NOS1AP: variants seen among roughly 807,000 people sequenced by gnomAD.
NOS1AP encodes the protein carboxyl-terminal PDZ ligand of neuronal nitric oxide synthase protein.
A neutral mutation model predicts 56.2 loss-of-function variants in NOS1AP; 21 were observed. The observed-to-expected ratio is 0.37, with a 90% CI of 0.26 to 0.54. The LOEUF is 0.54. Among genes scored for constraint, NOS1AP ranks in the 20% least tolerant of loss-of-function variants. NOS1AP has a pLI of 0.84. For synonymous variants in NOS1AP, 270 were observed against 274.6 expected (o/e 0.98, Z 0.17); for missense variants, 522 against 657.8 (o/e 0.79, Z 2.26).
At chr1:162,327,480 T>G (rs1457889984) in intron 4 of NOS1AP, among the ~76,000 whole-genome samples, 10 of 152,190 alleles carry the variant, frequency 6.6e-5, no homozygotes, top group African/African-American at 2.4e-4. Flanking sequence ...TACCAACTAG[T>G]GAATTTGTCA....
At chr1:162,268,221 G>C (rs1330782663) in intron 2 of NOS1AP, among the ~76,000 whole-genome samples, 4 of 150,758 alleles carry the variant, frequency 2.7e-5, no homozygotes, top group Non-Finnish European at 5.9e-5. Flanking sequence ...ATCGTGTCAT[G>C]CTAGCCTGAG....
intron 1 of NOS1AP, among the ~76,000 whole-genome samples, chr1:162,129,422 C>T (rs1016128201): frequency 2.0e-5 from 3 of 152,178 alleles, no homozygotes; most frequent in Non-Finnish European, 4.4e-5. Context: ...CAGTCCTGTC[C>T]CTGCCCTGCG....
chr1:162,328,846 G>A (rs746369426), intron 4 of NOS1AP, among the ~76,000 whole-genome samples: 14 of 152,236 alleles, frequency 9.2e-5, no homozygotes, highest in East Asian at 1.9e-4. Flanking sequence ...TTGCCTATCA[G>A]TGATGAATCC....
chr1:162,348,614 A>T (rs1489633995), intron 6 of NOS1AP, among the ~76,000 whole-genome samples: 2 of 152,200 alleles, frequency 1.3e-5, no homozygotes, highest in Non-Finnish European at 1.5e-5. Flanking sequence ...GGTCCATTCT[A>T]AAAAAGCCCA....
chr1:162,294,242 A>G (rs1655378828), intron 3 of NOS1AP, among the ~76,000 whole-genome samples: 1 of 150,926 alleles, frequency 6.6e-6, no homozygotes, highest in South Asian at 2.1e-4. Flanking sequence ...AAAGGAAGGA[A>G]GGATAGCAAA....
chr1:162,278,998 G>A (rs1654832679), intron 2 of NOS1AP, among the ~76,000 whole-genome samples: 1 of 152,154 alleles, frequency 6.6e-6, no homozygotes, highest in Non-Finnish European at 1.5e-5. Context: ...TATTAGTGGA[G>A]AATGATAGAA....
chr1:162,094,760 A>G (rs1692200609), intron 1 of NOS1AP, among the ~76,000 whole-genome samples: 1 of 152,274 alleles, frequency 6.6e-6, no homozygotes, highest in Admixed American at 6.5e-5. Context: ...AGAGGATGCA[A>G]GTGTTGACTT....
At chr1:162,265,579 A>C (rs1301684972) in intron 2 of NOS1AP, among the ~76,000 whole-genome samples, 5 of 151,938 alleles carry the variant, frequency 3.3e-5, no homozygotes, top group African/African-American at 7.2e-5. Context: ...TTATGGCTGC[A>C]TAGTATTCTT....
chr1:162,234,748 G>A (rs570456948), intron 2 of NOS1AP, among the ~76,000 whole-genome samples: 2 of 152,246 alleles, frequency 1.3e-5, no homozygotes, highest in African/African-American at 4.8e-5. Flanking sequence ...CCACAGATGG[G>A]TTTTCACAGT....
intron 2 of NOS1AP, among the ~76,000 whole-genome samples, chr1:162,276,554 G>A (rs550211962): frequency 2.6e-5 from 4 of 151,318 alleles, no homozygotes; most frequent in Admixed American, 2.6e-4. Context: ...CAATGTCCAG[G>A]CTGCACTCTA....
chr1:162,366,360 A>T (rs781629355), intron 9 of NOS1AP, among the ~76,000 whole-genome samples: 6 of 152,182 alleles, frequency 3.9e-5, no homozygotes, highest in Non-Finnish European at 7.4e-5. Context: ...ATGGGATGCC[A>T]TTTTACAGAT....
chr1:162,362,589 A>G (rs1657942037), intron 8 of NOS1AP, among the ~76,000 whole-genome samples: 1 of 152,236 alleles, frequency 6.6e-6, no homozygotes, highest in Admixed American at 6.5e-5. Flanking sequence ...ATCTGCTGAA[A>G]GACTTTGTTC....
intron 4 of NOS1AP, among the ~76,000 whole-genome samples, chr1:162,307,006 G>C (rs918150750): frequency 2.6e-5 from 4 of 151,914 alleles, no homozygotes; most frequent in Admixed American, 6.6e-5. Flanking sequence ...CGATAAGGCT[G>C]TTGAATAGAA....
chr1:162,330,420 G>A (rs1011648394), intron 4 of NOS1AP, among the ~76,000 whole-genome samples: 2 of 152,166 alleles, frequency 1.3e-5, no homozygotes, highest in Non-Finnish European at 2.9e-5. Context: ...TGAGCCCCAG[G>A]GTATTCAGCA....
At chr1:162,266,447 C>T (rs1279185922) in intron 2 of NOS1AP, among the ~76,000 whole-genome samples, 1 of 152,208 alleles carries the variant, frequency 6.6e-6, no homozygotes, top group Non-Finnish European at 1.5e-5. Context: ...ATGGATGTGG[C>T]AGTCCATAAC....
rs1238880233 is a variant in NOS1AP at position 162,188,193 on chromosome 1, A to G, written c.177+33717A>G. ...ACTTTAACAAAACAGCCTCTGGTCAAATGGCATGCTGGAGTTTTTAGATGA... is the reference window on the plus strand; with the variant it reads ...ACTTTAACAAAACAGCCTCTGGTCAGATGGCATGCTGGAGTTTTTAGATGA... On this transcript the variant is annotated intron_variant, in intron 2 of 9. Transcript: ENST00000361897. The surrounding 1 kb of genome is among the most constrained non-coding windows in gnomAD (Gnocchi z 4.0). 6.6e-6 allele frequency among the ~76,000 whole-genome samples: 1 copy of G among 152,202 alleles called. No individual in the cohort carries two copies. The highest frequency in any genetic ancestry group is 1.9e-4 in the East Asian group (1 of 5,192).
Position 162,354,097 on chromosome 1 carries a change from T to C in NOS1AP, c.596-1090T>C, listed in dbSNP as rs572017690. ...GTTTCCCTTGATGACTTGTGTAGGT[T>C]TGCATAGGAAAACTTCTTAGAACAA... On this transcript the variant is annotated intron_variant, in intron 6 of 9. Coordinates refer to ENST00000361897, the MANE Select transcript of NOS1AP (RefSeq NM_014697.3). Among the ~76,000 whole-genome samples, 9 of 152,316 alleles carry C rather than the reference T, an allele frequency of 5.9e-5. No homozygotes were observed. The South Asian group carries it at 1.4e-3, about 25-fold the overall frequency.
At chr1:162,360,583 G>C (rs917700903) in intron 8 of NOS1AP, 1 of 351,294 alleles carries the variant, frequency 2.8e-6, no homozygotes, top group African/African-American at 2.1e-5. Flanking sequence ...TCTACCTGCT[G>C]CCACTTCTGT....
At chr1:162,181,201 T>G (rs966486835) in intron 2 of NOS1AP, among the ~76,000 whole-genome samples, 5 of 152,184 alleles carry the variant, frequency 3.3e-5, no homozygotes, top group Non-Finnish European at 5.9e-5. Context: ...AGAAAAACAA[T>G]CAGTATGCTG....
Sources: gnomAD v4.1 joint callset for allele counts (sites outside exome capture counted in the v4.1 genomes callset) on GRCh38, gnomAD v4.1.1 for gene constraint, Gnocchi (gnomAD v3.1) non-coding constraint, MANE v1.5 for transcripts, NCBI Gene and HGNC (gene_info 2026-07-23, HGNC 2026-07-21) for gene names.